SPIDR: variants seen among roughly 807,000 people sequenced by gnomAD.
The protein encoded by SPIDR is DNA repair-scaffolding protein.
In SPIDR, 93 loss-of-function variants were observed where a neutral mutation model predicts 104.6. The ratio of observed to expected loss-of-function variants is 0.89; its 90% CI spans 0.75 to 1.06. The LOEUF (loss-of-function observed/expected upper bound fraction) is 1.06. Ranked by LOEUF, SPIDR falls within the 50% of genes least tolerant of loss-of-function variation. The pLI, the probability that SPIDR is intolerant of heterozygous loss-of-function variation, is 0.00. For missense variants in SPIDR, 1,154 were observed against 1,111.2 expected (o/e 1.04, Z -0.55); for synonymous variants, 431 against 416.9 (o/e 1.03, Z -0.41).
At chr8:47,605,971 C>G (rs184457681) in intron 10 of SPIDR, among the ~76,000 whole-genome samples, 1 of 152,144 alleles carries the variant, frequency 6.6e-6, no homozygotes, top group African/African-American at 2.4e-5. Flanking sequence ...ATTTTTATTT[C>G]TATGCTTTTG....
intron 16 of SPIDR, among the ~76,000 whole-genome samples, chr8:47,723,953 CATT>C (rs1311514971): frequency 6.6e-6 from 1 of 151,290 alleles, no homozygotes; most frequent in Non-Finnish European, 1.5e-5. Context: ...ATTACATTAT[CATT>C]ATTATTTAAA....
chr8:47,302,566 CT>C (rs2042299070), intron 5 of SPIDR, among the ~76,000 whole-genome samples: 1 of 152,140 alleles, frequency 6.6e-6, no homozygotes, highest in Non-Finnish European at 1.5e-5. Flanking sequence ...TTTTCCCCAT[CT>C]TTGTAGTTTT....
intron 7 of SPIDR, among the ~76,000 whole-genome samples, chr8:47,439,918 A>G (rs2069075859): frequency 6.6e-6 from 1 of 152,194 alleles, no homozygotes; most frequent in African/African-American, 2.4e-5. Flanking sequence ...AGAGAATCAA[A>G]ACAGATAATA....
intron 16 of SPIDR, among the ~76,000 whole-genome samples, chr8:47,722,094 A>G (rs923553275): frequency 6.6e-6 from 1 of 152,190 alleles, no homozygotes; most frequent in South Asian, 2.1e-4. Context: ...CAGATCTTGT[A>G]CATATTTTGT....
chr8:47,522,097 G>T (rs963338521), intron 8 of SPIDR, among the ~76,000 whole-genome samples: 1 of 151,138 alleles, frequency 6.6e-6, no homozygotes. Flanking sequence ...CTGAGAGACA[G>T]AGATTGCAGT....
chr8:47,545,957 C>G (rs1056169624), intron 8 of SPIDR, among the ~76,000 whole-genome samples: 1 of 152,006 alleles, frequency 6.6e-6, no homozygotes, highest in East Asian at 1.9e-4. Context: ...TTGAACTAGC[C>G]TTGCATCCCT....
chr8:47,575,576 G>A lies in SPIDR; in HGVS notation c.1098-20235G>A, dbSNP rs1275143512. 1.7e-4 allele frequency among the ~76,000 whole-genome samples: 25 copies of A among 151,216 alleles called. No homozygotes were observed. In the East Asian group the frequency reaches 4.9e-3, roughly 30 times the overall value. On this transcript the variant is annotated intron_variant, in intron 8 of 19. Coordinates refer to ENST00000297423, the MANE Select transcript of SPIDR (RefSeq NM_001080394.4). Reference sequence around the variant, plus strand: ...GCAGGAGAATGGCGTGAACCCGGGAGGCGGAGCTTGCAGTGAGCCGAGATC... The same window carrying A: ...GCAGGAGAATGGCGTGAACCCGGGAAGCGGAGCTTGCAGTGAGCCGAGATC...
intron 16 of SPIDR, among the ~76,000 whole-genome samples, chr8:47,717,774 AAT>A (rs1243989672): frequency 3.9e-5 from 6 of 152,238 alleles, no homozygotes; most frequent in African/African-American, 1.2e-4. Flanking sequence ...TGTGTAATGT[AAT>A]CAATAGGCAG....
chr8:47,304,612 A>G lies in SPIDR; in HGVS notation c.525+10582A>G, dbSNP rs2042814607. Among the ~76,000 whole-genome samples, 4 of 152,284 alleles carry G rather than the reference A, an allele frequency of 2.6e-5. 1 individual carries two copies. The South Asian group carries it at 6.2e-4, about 24-fold the overall frequency. ...GCTTCCTCCTCCCCCTGCTTTCACCATGTGAAGTGCCTGCACCCACTTTGC... is the reference window on the plus strand; with the variant it reads ...GCTTCCTCCTCCCCCTGCTTTCACCGTGTGAAGTGCCTGCACCCACTTTGC... On this transcript the variant is annotated intron_variant, in intron 5 of 19. Coordinates refer to ENST00000297423, the MANE Select transcript of SPIDR (RefSeq NM_001080394.4).
At chr8:47,496,860 TACTG>T (rs1349518361) in intron 8 of SPIDR, among the ~76,000 whole-genome samples, 2 of 152,102 alleles carry the variant, frequency 1.3e-5, no homozygotes, top group East Asian at 1.9e-4. Flanking sequence ...AGTTTTAAGT[TACTG>T]ACTTAATTTC....
At chr8:47,440,232 A>T in intron 7 of SPIDR, 91 bp from the exon 8 acceptor site, 1 of 1,118,196 alleles carries the variant, frequency 8.9e-7, no homozygotes, top group Non-Finnish European at 1.3e-6. Context: ...TGCTATCTGC[A>T]TGTGGATCTT....
intron 8 of SPIDR, among the ~76,000 whole-genome samples, chr8:47,545,107 CTTTCTTTCTTTCTTT>C (rs1360645953): frequency 5.5e-5 from 7 of 126,722 alleles, no homozygotes; most frequent in South Asian, 2.8e-4. Context: ...TTCTTTCTTT[CTTTCTTTCTTTCTTT>C]TTTTTTTTTT....
chr8:47,489,611 G>A (rs935355287), intron 8 of SPIDR, among the ~76,000 whole-genome samples: 1 of 152,134 alleles, frequency 6.6e-6, no homozygotes, highest in Non-Finnish European at 1.5e-5. Flanking sequence ...ATACTACAAG[G>A]CTACAGTAAC....
At chr8:47,715,843 G>A (rs1466859939) in intron 16 of SPIDR, among the ~76,000 whole-genome samples, 1 of 152,166 alleles carries the variant, frequency 6.6e-6, no homozygotes, top group Non-Finnish European at 1.5e-5. Flanking sequence ...TTGAAATTTG[G>A]GGTATGAATC....
intron 10 of SPIDR, among the ~76,000 whole-genome samples, chr8:47,618,664 A>T (rs1352600303): frequency 6.6e-6 from 1 of 152,194 alleles, no homozygotes; most frequent in Admixed American, 6.5e-5. Flanking sequence ...TAATTAAAAT[A>T]GTTTGTGTGT....
intron 1 of SPIDR, among the ~76,000 whole-genome samples, chr8:47,274,065 A>G (rs1184458605): frequency 1.3e-5 from 2 of 152,208 alleles, no homozygotes; most frequent in Non-Finnish European, 1.5e-5. Context: ...GGATAAACTT[A>G]GGAGTTATCA....
intron 8 of SPIDR, among the ~76,000 whole-genome samples, chr8:47,588,925 T>C (rs1413778888): frequency 1.3e-5 from 2 of 152,178 alleles, no homozygotes; most frequent in Non-Finnish European, 1.5e-5. Context: ...CTTGGTCATA[T>C]TGCATAACTT....
At chr8:47,539,988 T>C (rs1048340962) in intron 8 of SPIDR, among the ~76,000 whole-genome samples, 1 of 152,042 alleles carries the variant, frequency 6.6e-6, no homozygotes. Flanking sequence ...AGACAGCAAA[T>C]AAGAGGAAAA....
At chr8:47,498,698 G>C (rs1564146749) in intron 8 of SPIDR, among the ~76,000 whole-genome samples, 1 of 152,066 alleles carries the variant, frequency 6.6e-6, no homozygotes, top group African/African-American at 2.4e-5. Flanking sequence ...GTCAAGACTT[G>C]TACATTTGCC....
Sources: allele counts gnomAD v4.1 joint callset (sites outside exome capture counted in the v4.1 genomes callset), GRCh38; gene constraint gnomAD v4.1.1; transcripts MANE v1.5; gene names NCBI Gene and HGNC (gene_info 2026-07-23, HGNC 2026-07-21).